Variants in DNMT3B observed in about 807,000 individuals in gnomAD.
The protein encoded by DNMT3B is DNA (cytosine-5)-methyltransferase 3B.
A neutral mutation model predicts 120.2 loss-of-function variants in DNMT3B; 37 were observed. The observed-to-expected ratio is 0.31, with a 90% CI of 0.24 to 0.40. The LOEUF (loss-of-function observed/expected upper bound fraction) is 0.40. Among genes scored for constraint, DNMT3B ranks in the 10% least tolerant of loss-of-function variants. The probability of loss-of-function intolerance (pLI) is 1.00; values close to 1 mark genes in which losing one functional copy is unlikely to be tolerated. For synonymous variants in DNMT3B, 412 were observed against 442.8 expected (o/e 0.93, Z 0.87); for missense variants, 878 against 1,137.3 (o/e 0.77, Z 3.28).
At chr20:32,790,467 G>A (rs1229096998) in intron 7 of DNMT3B, among the ~76,000 whole-genome samples, 1 of 152,200 alleles carries the variant, frequency 6.6e-6, no homozygotes, top group Non-Finnish European at 1.5e-5. Flanking sequence ...CTCAGCATGT[G>A]TACGCTGTTT....
intron 1 of DNMT3B, among the ~76,000 whole-genome samples, chr20:32,774,555 T>G (rs1987964193): frequency 6.7e-6 from 1 of 148,208 alleles, no homozygotes; most frequent in Non-Finnish European, 1.5e-5. Flanking sequence ...CATGTGCTTG[T>G]TTGTTGCATG....
intron 1 of DNMT3B, among the ~76,000 whole-genome samples, chr20:32,779,696 C>G (rs1311425254): frequency 6.6e-6 from 1 of 152,016 alleles, no homozygotes; most frequent in Non-Finnish European, 1.5e-5. Flanking sequence ...ACTCTGAGCC[C>G]CAGCTGGTGA....
intron 10 of DNMT3B, among the ~76,000 whole-genome samples, chr20:32,794,063 T>C (rs1341626279): frequency 6.6e-6 from 1 of 152,182 alleles, no homozygotes; most frequent in Non-Finnish European, 1.5e-5. Flanking sequence ...CTCACGCTTA[T>C]AATCCCAGCA....
chr20:32,795,561 G>C (rs1336310170), intron 11 of DNMT3B, 27 bp downstream of exon 11: 18 of 1,614,130 alleles, frequency 1.1e-5, no homozygotes, highest in Non-Finnish European at 1.5e-5. Context: ...TGGGATCATG[G>C]GACAGATGGG....
chr20:32,770,965 G>A (rs1987697539), intron 1 of DNMT3B, among the ~76,000 whole-genome samples: 1 of 151,858 alleles, frequency 6.6e-6, no homozygotes, highest in Admixed American at 6.6e-5. Context: ...GGCTGATCTT[G>A]AACTCCTGGG....
intron 1 of DNMT3B, among the ~76,000 whole-genome samples, chr20:32,763,506 G>T (rs369754317): frequency 6.6e-6 from 1 of 152,200 alleles, no homozygotes; most frequent in Admixed American, 6.5e-5. Context: ...CCCGTGTGCG[G>T]CTGGCCCCAC....
chr20:32,770,610 C>CAT (rs58422530), intron 1 of DNMT3B, among the ~76,000 whole-genome samples: 1,550 of 144,774 alleles, frequency 0.011, 31 homozygotes, highest in African/African-American at 0.035. Context: ...CTCCGCCTTA[C>CAT]TTTTTTTTTT....
intron 22 of DNMT3B, among the ~76,000 whole-genome samples, chr20:32,807,441 T>C (rs563812910): frequency 4.6e-5 from 7 of 152,200 alleles, no homozygotes; most frequent in Non-Finnish European, 8.8e-5. Context: ...TTGCTTAACT[T>C]CTCCCATCAT....
chr20:32,770,501 T>A (rs185450626), intron 1 of DNMT3B, among the ~76,000 whole-genome samples: 144 of 152,138 alleles, frequency 9.5e-4, no homozygotes, highest in Admixed American at 8.4e-3. Context: ...GAGATGGGGT[T>A]TCTCCATGTT....
At chr20:32,776,456 T>C (rs189740524) in intron 1 of DNMT3B, among the ~76,000 whole-genome samples, 1 of 152,264 alleles carries the variant, frequency 6.6e-6, no homozygotes, top group Admixed American at 6.5e-5. Flanking sequence ...GTCAGTGAGA[T>C]ACATAGAAAA....
Position 32,801,390 on chromosome 20 carries a change from G to C in DNMT3B, c.2109G>C (p.Lys703Asn). 1 of 1,614,170 alleles carries C rather than the reference G, an allele frequency of 6.2e-7. No individual in the cohort carries two copies. Among genetic ancestry groups the C allele is most frequent in the Non-Finnish European group, 8.5e-7 (1 of 1,180,038 alleles). Reference sequence around the variant, plus strand: ...TGTTTGAGAATGTTGTAGCCATGAAGGTTGGCGACAAGAGGGACATCTCAC... The same window carrying C: ...TGTTTGAGAATGTTGTAGCCATGAACGTTGGCGACAAGAGGGACATCTCAC... The part of the protein sequence containing the change: ...FWMFENVVAM[K>N]VGDKRDISRF... Residue 703 changes from lysine to asparagine, a missense_variant, in exon 19 of 23, where the codon AAG (lysine) becomes AAC (asparagine). Physicochemically the swap from Lys to Asn is moderately conservative, Grantham distance 94. This residue lies in a region of DNMT3B where 334 missense variants were observed against 518.8 expected (regional missense o/e 0.64). Coordinates refer to ENST00000328111, the MANE Select transcript of DNMT3B (RefSeq NM_006892.4).
intron 16 of DNMT3B, among the ~76,000 whole-genome samples, chr20:32,799,938 AC>A (rs1981117424): frequency 4.0e-5 from 6 of 150,630 alleles, no homozygotes; most frequent in African/African-American, 1.5e-4. Context: ...AAACTAGTTA[AC>A]AACTACTGCT....
chr20:32,792,674 T>C lies in DNMT3B; in HGVS notation c.970T>C (p.Ser324Pro). The C allele has an allele frequency of 6.2e-7, 1 of 1,614,184 alleles. No homozygotes were observed. Among genetic ancestry groups the C allele is most frequent in the Non-Finnish European group, 8.5e-7 (1 of 1,180,028 alleles). The change falls in exon 9 of 23, where the codon TCA becomes CCA. Residue 324 changes from serine to proline, a missense_variant. This residue lies in a region of DNMT3B where 207 missense variants were observed against 222.6 expected (regional missense o/e 0.93). Coordinates refer to ENST00000328111, the MANE Select transcript of DNMT3B (RefSeq NM_006892.4). Reference protein sequence around the residue: ...GKTFPSSPGDSLEDQLKPMLE... With the variant: ...GKTFPSSPGDPLEDQLKPMLE... ...GACCTTCCCCAGCAGCCCTGGAGACTCATTGGAGGACCAGCTGAAGCCCAT... is the reference window on the plus strand; with the variant it reads ...GACCTTCCCCAGCAGCCCTGGAGACCCATTGGAGGACCAGCTGAAGCCCAT...
rs763492333 is a variant in DNMT3B, at chr20:32,792,762, C to G, written c.1058C>G (p.Thr353Arg). 6 of 1,614,130 alleles carry G rather than the reference C, an allele frequency of 3.7e-6. No individual in the cohort carries two copies. Among genetic ancestry groups the G allele is most frequent in the South Asian group, 2.2e-5 (2 of 91,084 alleles). The change falls in exon 9 of 23, where the codon ACG (threonine) becomes AGG (arginine). Residue 353 changes from threonine to arginine, a missense_variant. Physicochemically the swap from Thr to Arg is moderately conservative, Grantham distance 71. This residue lies in a region of DNMT3B where 207 missense variants were observed against 222.6 expected (regional missense o/e 0.93). Transcript: ENST00000328111. ...TGIEGLKPNNTQPVVNKSKVR... is the reference protein window; with the variant it reads ...TGIEGLKPNNRQPVVNKSKVR... ...ATCGAGGGCCTCAAACCCAACAACA[C>G]GCAACCAGGTGGGAATGAGTCCCCA...
chr20:32,787,148 A>T, intron 5 of DNMT3B, 82 bp from the exon 6 acceptor site: 1 of 1,521,346 alleles, frequency 6.6e-7, no homozygotes, highest in South Asian at 1.1e-5. Flanking sequence ...CTTTTTGCCT[A>T]GGAGCCATAT....
Position 32,787,302 on chromosome 20 carries a change from G to A in DNMT3B, c.505G>A (p.Asp169Asn), listed in dbSNP as rs375097618. ...PSPPSSYLTI[D>N]LTDDTEDTHG... ...CCCTCCCAGCTCTTACCTTACCATC[G>A]ACCTCACAGACGACACAGAGGACAC... is the stretch of plus-strand genomic sequence containing the variant. The change falls in exon 6 of 23, where the codon GAC becomes AAC. Residue 169 changes from aspartate to asparagine, a missense_variant. Around this residue, in one of 4 missense-constraint regions of DNMT3B, gnomAD observed 287 missense variants for 306.2 expected, o/e 0.94. Transcript: ENST00000328111. 4.4e-5 allele frequency: 71 copies of A among 1,614,032 alleles called. No homozygotes were observed. Among genetic ancestry groups the A allele is most frequent in the Non-Finnish European group, 5.6e-5 (66 of 1,180,042 alleles).
intron 20 of DNMT3B, among the ~76,000 whole-genome samples, chr20:32,804,144 G>A (rs1042206827): frequency 1.3e-5 from 2 of 152,310 alleles, no homozygotes; most frequent in Admixed American, 6.5e-5. Flanking sequence ...TGCATTGGAT[G>A]TGTAGGCTAT....
chr20:32,805,245 A>T, intron 20 of DNMT3B, 93 bp from the exon 21 acceptor site: 1 of 1,441,928 alleles, frequency 6.9e-7, no homozygotes, highest in Non-Finnish European at 9.8e-7. Context: ...CTGCCAGGGC[A>T]CATCTCTGCA....
Position 32,808,050 on chromosome 20 carries a change from G to A in DNMT3B, c.*147G>A, listed in dbSNP as rs1568866571. The A allele has an allele frequency of 7.3e-7, 1 of 1,379,260 alleles. No homozygotes were observed. The highest frequency in any genetic ancestry group is 1.0e-6 in the Non-Finnish European group (1 of 1,003,924). 85.4% of individuals were successfully genotyped at this position (1,379,260 alleles called of 1,614,324 possible). On this transcript the variant is annotated 3_prime_UTR_variant, in exon 23 of 23. Transcript: ENST00000328111. ...AGTTCCCTCTTGCTCAGTGGGGGCA[G>A]AGCCACCTGACTCTTGCAGGGGTAG... is the stretch of plus-strand genomic sequence containing the variant.
Sources: allele counts gnomAD v4.1 joint callset (sites outside exome capture counted in the v4.1 genomes callset), GRCh38; gene constraint gnomAD v4.1.1; regional missense constraint gnomAD v4.1.1; transcripts MANE v1.5; gene names NCBI Gene and HGNC (gene_info 2026-07-23, HGNC 2026-07-21).